TBX15: variants seen among roughly 807,000 people sequenced by gnomAD.
The protein encoded by TBX15 is T-box transcription factor TBX15.
In TBX15, 18 loss-of-function variants were observed where a neutral mutation model predicts 53.9. That is an observed-to-expected ratio of 0.33 (90% CI 0.23 to 0.49). The LOEUF (loss-of-function observed/expected upper bound fraction) is 0.49, where lower values mean the gene tolerates loss of function less well. Ranked by LOEUF, TBX15 falls within the 20% of genes least tolerant of loss-of-function variation. The pLI is 0.98. For synonymous variants in TBX15, 295 were observed against 278.0 expected (o/e 1.06, Z -0.61); for missense variants, 692 against 749.5 (o/e 0.92, Z 0.90).
At chr1:118,944,980 G>C (rs1343302434) in intron 1 of TBX15, among the ~76,000 whole-genome samples, 1 of 152,162 alleles carries the variant, frequency 6.6e-6, no homozygotes, top group Non-Finnish European at 1.5e-5. Flanking sequence ...TCTGTTGGAG[G>C]CCTCTTCTCA....
At position 118,892,683 on chromosome 1, in the gene TBX15, G is replaced by T. The variant is rs368087155; in HGVS notation, c.1024+6345C>A. Among the ~76,000 whole-genome samples the T allele has an allele frequency of 3.3e-5, 5 of 152,216 alleles. No individual in the cohort carries two copies. In the East Asian group the frequency reaches 7.7e-4, roughly 24 times the overall value. ...ATACTCATGTTTTTTCTCCTACTGG[G>T]TTTATTTCTTTCAAAGTGTATCACT... is the stretch of plus-strand genomic sequence containing the variant. On this transcript the variant is annotated intron_variant, in intron 7 of 7. Coordinates refer to ENST00000369429, the MANE Select transcript of TBX15 (RefSeq NM_001330677.2).
At chr1:118,963,744 C>A (rs1475807384) in intron 1 of TBX15, among the ~76,000 whole-genome samples, 1 of 152,230 alleles carries the variant, frequency 6.6e-6, no homozygotes, top group East Asian at 1.9e-4. Context: ...CTCTTCTTCT[C>A]AGTATTTGTA....
chr1:118,949,795 C>A (rs555461449), intron 1 of TBX15, among the ~76,000 whole-genome samples: 1 of 152,290 alleles, frequency 6.6e-6, no homozygotes, highest in East Asian at 1.9e-4. Context: ...ACCCCGAGAA[C>A]TGGGAGAAAA....
chr1:118,979,734 C>T (rs1303235533), intron 1 of TBX15, among the ~76,000 whole-genome samples: 4 of 152,240 alleles, frequency 2.6e-5, no homozygotes, highest in Non-Finnish European at 4.4e-5. Context: ...GTAATTAGAG[C>T]TAAGAACAGC....
intron 5 of TBX15, among the ~76,000 whole-genome samples, chr1:118,916,736 TGCACCTGTAGTCCCA>T (rs1655237022): frequency 6.6e-6 from 1 of 151,884 alleles, no homozygotes; most frequent in Non-Finnish European, 1.5e-5. Flanking sequence ...CATGGTGGTG[TGCACCTGTAGTCCCA>T]GCTACTTGGG....
chr1:118,963,910 G>T (rs1271744223), intron 1 of TBX15, among the ~76,000 whole-genome samples: 1 of 152,210 alleles, frequency 6.6e-6, no homozygotes, highest in Non-Finnish European at 1.5e-5. Flanking sequence ...CAGCTGACAT[G>T]CAGTGAGGAC....
chr1:118,901,939 G>C (rs1048550831), intron 6 of TBX15, among the ~76,000 whole-genome samples: 10 of 152,182 alleles, frequency 6.6e-5, no homozygotes, highest in African/African-American at 2.2e-4. Context: ...TTACAGCAAG[G>C]ATCAGTTTGG....
At chr1:118,977,713 C>T (rs1657482802) in intron 1 of TBX15, among the ~76,000 whole-genome samples, 1 of 152,168 alleles carries the variant, frequency 6.6e-6, no homozygotes, top group South Asian at 2.1e-4. Context: ...TGCATCTGAC[C>T]CTGCCCTCAA....
chr1:118,982,236 T>G (rs1268008138), intron 1 of TBX15, among the ~76,000 whole-genome samples: 1 of 152,124 alleles, frequency 6.6e-6, no homozygotes, highest in African/African-American at 2.4e-5. Context: ...AAAGAAAAAA[T>G]TATAGCCACC....
At chr1:118,943,927 A>T (rs1043239189) in intron 1 of TBX15, among the ~76,000 whole-genome samples, 2 of 152,008 alleles carry the variant, frequency 1.3e-5, no homozygotes, top group African/African-American at 4.8e-5. Context: ...AGAGAGAACA[A>T]ATGCACCCAA....
At chr1:118,970,573 T>C (rs1468996137) in intron 1 of TBX15, among the ~76,000 whole-genome samples, 2 of 152,104 alleles carry the variant, frequency 1.3e-5, no homozygotes, top group African/African-American at 2.4e-5. Context: ...AGAAAGGAAA[T>C]AGCAAAGTGA....
intron 1 of TBX15, among the ~76,000 whole-genome samples, chr1:118,935,171 T>A (rs989309045): frequency 2.0e-5 from 3 of 152,188 alleles, no homozygotes; most frequent in Non-Finnish European, 4.4e-5. Context: ...TTTAATCTTT[T>A]GTAAAATACA....
intron 1 of TBX15, among the ~76,000 whole-genome samples, chr1:118,964,680 T>C (rs1656986360): frequency 6.6e-6 from 1 of 152,260 alleles, no homozygotes; most frequent in Admixed American, 6.5e-5. Flanking sequence ...GCTATTTGTC[T>C]CAGGCATCTT....
intron 1 of TBX15, among the ~76,000 whole-genome samples, chr1:118,948,764 C>T (rs1266284727): frequency 6.6e-6 from 1 of 152,174 alleles, no homozygotes; most frequent in Non-Finnish European, 1.5e-5. Flanking sequence ...GAGAAAGTGA[C>T]TTTTCTTCCC....
chr1:118,904,294 T>G (rs961761134), intron 6 of TBX15, among the ~76,000 whole-genome samples: 3 of 152,138 alleles, frequency 2.0e-5, no homozygotes, highest in Non-Finnish European at 4.4e-5. Flanking sequence ...CATTCATAGA[T>G]TTTCTTGCTT....
chr1:118,936,177 C>T (rs1227273825), intron 1 of TBX15, among the ~76,000 whole-genome samples: 2 of 152,148 alleles, frequency 1.3e-5, no homozygotes, highest in Non-Finnish European at 2.9e-5. Context: ...TGTATAAGGT[C>T]CCTTTTAACT....
At chr1:118,939,108 G>A (rs534276725) in intron 1 of TBX15, among the ~76,000 whole-genome samples, 43 of 152,154 alleles carry the variant, frequency 2.8e-4, no homozygotes, top group African/African-American at 1.0e-3. Flanking sequence ...AATCCTAAGT[G>A]AATTAACGCA....
At chr1:118,938,679 A>T (rs1656044473) in intron 1 of TBX15, among the ~76,000 whole-genome samples, 1 of 152,184 alleles carries the variant, frequency 6.6e-6, no homozygotes, top group Non-Finnish European at 1.5e-5. Context: ...TCTCTTTCTA[A>T]TAATAGCCAT....
At chr1:118,920,948 G>C (rs1056415570) in intron 5 of TBX15, among the ~76,000 whole-genome samples, 2 of 152,118 alleles carry the variant, frequency 1.3e-5, no homozygotes, top group Non-Finnish European at 2.9e-5. Context: ...GCCGAGGTGG[G>C]AGAATTGCTT....
Sources: allele counts gnomAD v4.1 joint callset (sites outside exome capture counted in the v4.1 genomes callset), GRCh38; gene constraint gnomAD v4.1.1; transcripts MANE v1.5; gene names NCBI Gene and HGNC (gene_info 2026-07-23, HGNC 2026-07-21).